DLGAP1: variants seen among roughly 807,000 people sequenced by gnomAD.
The protein encoded by DLGAP1 is DLG associated protein 1.
A neutral mutation model predicts 90.8 loss-of-function variants in DLGAP1; 11 were observed. That is an observed-to-expected ratio of 0.12 (90% CI 0.08 to 0.20). The LOEUF (loss-of-function observed/expected upper bound fraction) is 0.20, where lower values mean the gene tolerates loss of function less well. DLGAP1 is among the 10% of genes least tolerant of loss of function. The probability of loss-of-function intolerance (pLI) is 1.00; values close to 1 mark genes in which losing one functional copy is unlikely to be tolerated. For missense variants in DLGAP1, 1,050 were observed against 1,333.8 expected (o/e 0.79, Z 3.31); for synonymous variants, 558 against 540.7 (o/e 1.03, Z -0.44).
intron 1 of DLGAP1, chr18:4,295,310 T>C (rs925257650): frequency 2.0e-5 from 3 of 152,144 alleles, no homozygotes; most frequent in African/African-American, 7.2e-5. Flanking sequence ...CCACACCACA[T>C]TGGGGTATTT....
chr18:4,057,912 T>C (rs1471365579), intron 2 of DLGAP1, among the ~76,000 whole-genome samples: 1 of 152,180 alleles, frequency 6.6e-6, no homozygotes, highest in Non-Finnish European at 1.5e-5. Context: ...AACCAACTAG[T>C]AGGGATGATT....
At chr18:3,877,548 C>A (rs1040724964) in intron 4 of DLGAP1, among the ~76,000 whole-genome samples, 2 of 152,152 alleles carry the variant, frequency 1.3e-5, no homozygotes, top group Non-Finnish European at 2.9e-5. Flanking sequence ...TATCTCTTTA[C>A]TCCTTACTTT....
intron 10 of DLGAP1, among the ~76,000 whole-genome samples, chr18:3,519,510 G>A (rs1467533583): frequency 6.6e-6 from 1 of 152,176 alleles, no homozygotes; most frequent in African/African-American, 2.4e-5. Flanking sequence ...CCTATGAGAT[G>A]AAAATGGAGG....
chr18:4,177,867 A>G (rs2077137113), intron 1 of DLGAP1, among the ~76,000 whole-genome samples: 1 of 152,120 alleles, frequency 6.6e-6, no homozygotes. Flanking sequence ...CAGTCCTACC[A>G]TTGATGAGCA....
intron 3 of DLGAP1, among the ~76,000 whole-genome samples, chr18:3,971,234 C>A (rs894022221): frequency 2.6e-5 from 4 of 152,124 alleles, no homozygotes; most frequent in Non-Finnish European, 5.9e-5. Flanking sequence ...AATTGTTGAC[C>A]AGTTTGTGAT....
At chr18:4,408,506 G>T (rs2082711491) in intron 1 of DLGAP1, among the ~76,000 whole-genome samples, 1 of 151,816 alleles carries the variant, frequency 6.6e-6, no homozygotes, top group African/African-American at 2.4e-5. Flanking sequence ...ATTACAATAA[G>T]AGTTGAAAAA....
At chr18:3,805,460 G>C (rs1485967895) in intron 5 of DLGAP1, among the ~76,000 whole-genome samples, 1 of 152,172 alleles carries the variant, frequency 6.6e-6, no homozygotes, top group African/African-American at 2.4e-5. Flanking sequence ...ATACAAATTG[G>C]TCCATTGCAA....
At chr18:3,881,853 C>A (rs1232677065) in intron 3 of DLGAP1, among the ~76,000 whole-genome samples, 1 of 152,174 alleles carries the variant, frequency 6.6e-6, no homozygotes, top group East Asian at 1.9e-4. Flanking sequence ...GCGGAGCTTG[C>A]AGTGAGCCGA....
At chr18:3,584,845 A>C (rs2055780164) in intron 7 of DLGAP1, among the ~76,000 whole-genome samples, 1 of 152,112 alleles carries the variant, frequency 6.6e-6, no homozygotes, top group South Asian at 2.1e-4. Flanking sequence ...TCGATCTCCT[A>C]GGCTCAAGCA....
At chr18:3,760,472 T>A (rs1472337450) in intron 5 of DLGAP1, among the ~76,000 whole-genome samples, 1 of 152,322 alleles carries the variant, frequency 6.6e-6, no homozygotes, top group East Asian at 1.9e-4. Flanking sequence ...TACTTCAATG[T>A]GCCTAGCAGA....
chr18:3,744,783 T>A (rs1448412312), intron 5 of DLGAP1, among the ~76,000 whole-genome samples: 1 of 152,164 alleles, frequency 6.6e-6, no homozygotes, highest in Non-Finnish European at 1.5e-5. Flanking sequence ...TGACCTCAAG[T>A]GATCTGCCCA....
At chr18:4,059,034 C>A (rs2075263141) in intron 2 of DLGAP1, among the ~76,000 whole-genome samples, 1 of 152,188 alleles carries the variant, frequency 6.6e-6, no homozygotes, top group Admixed American at 6.5e-5. Flanking sequence ...ACCATGAGAA[C>A]AGAGATGCAG....
chr18:4,217,225 T>C (rs2077976147), intron 1 of DLGAP1, among the ~76,000 whole-genome samples: 1 of 152,146 alleles, frequency 6.6e-6, no homozygotes, highest in Non-Finnish European at 1.5e-5. Context: ...CTCATTTCTT[T>C]TTAGCATTGA....
At chr18:3,599,745 G>A (rs561241830) in intron 7 of DLGAP1, among the ~76,000 whole-genome samples, 23 of 152,058 alleles carry the variant, frequency 1.5e-4, no homozygotes, top group Non-Finnish European at 3.2e-4. Context: ...TCAGCCTCCC[G>A]AGTAGCTGGG....
intron 5 of DLGAP1, 45 bp downstream of exon 5, chr18:3,814,014 T>A (rs768373011): frequency 1.6e-5 from 25 of 1,592,178 alleles, no homozygotes; most frequent in South Asian, 1.5e-4. Context: ...TCGGTGATAA[T>A]ACAAGCACCT....
intron 1 of DLGAP1, among the ~76,000 whole-genome samples, chr18:4,258,568 A>G (rs933361083): frequency 6.6e-6 from 1 of 152,174 alleles, no homozygotes; most frequent in Non-Finnish European, 1.5e-5. Context: ...ATTTTCCTAC[A>G]CAAAGAAAAA....
intron 4 of DLGAP1, among the ~76,000 whole-genome samples, chr18:3,850,956 C>T (rs1215783057): frequency 6.6e-6 from 1 of 152,138 alleles, no homozygotes; most frequent in East Asian, 1.9e-4. Context: ...GCTGAATTTT[C>T]TCACTTCTCC....
chr18:3,777,960 T>C (rs1012270071), intron 5 of DLGAP1, among the ~76,000 whole-genome samples: 1 of 152,200 alleles, frequency 6.6e-6, no homozygotes, highest in African/African-American at 2.4e-5. Context: ...TCAAATGGAA[T>C]GAATCCTTCG....
At chr18:4,194,891 C>T (rs1352566803) in intron 1 of DLGAP1, among the ~76,000 whole-genome samples, 1 of 152,104 alleles carries the variant, frequency 6.6e-6, no homozygotes, top group Admixed American at 6.5e-5. Context: ...AGCCATTTAA[C>T]ACAGACCTCA....
Sources: gnomAD v4.1 joint callset for allele counts (sites outside exome capture counted in the v4.1 genomes callset) on GRCh38, gnomAD v4.1.1 for gene constraint, MANE v1.5 for transcripts, NCBI Gene and HGNC (gene_info 2026-07-23, HGNC 2026-07-21) for gene names.